Variants in DNAAF11 observed in about 807,000 individuals in gnomAD.
The protein encoded by DNAAF11 is dynein axonemal assembly factor 11, also known as leucine rich repeat containing 6.
In DNAAF11, 45 loss-of-function variants were observed where a neutral mutation model predicts 60.8. The observed-to-expected ratio is 0.74, with a 90% CI of 0.58 to 0.95. The LOEUF is 0.95. DNAAF11 is among the 40% of genes least tolerant of loss of function. DNAAF11 has a pLI of 0.00. For missense variants in DNAAF11, 546 were observed against 546.2 expected (o/e 1.00, Z 0.00); for synonymous variants, 191 against 183.5 (o/e 1.04, Z -0.33).
intron 5 of DNAAF11, among the ~76,000 whole-genome samples, chr8:132,626,574 T>C (rs1388386050): frequency 6.6e-6 from 1 of 152,206 alleles, no homozygotes; most frequent in East Asian, 1.9e-4. Context: ...GCATCTTCTG[T>C]TGTGCCAGGC....
At chr8:132,690,898 G>A in the DNAAF11 span, among the ~76,000 whole-genome samples, 3 of 152,186 alleles carry the variant, frequency 2.0e-5, no homozygotes, top group Non-Finnish European at 2.9e-5. Flanking sequence ...ATAACATCAC[G>A]GGTATTGGCC....
the DNAAF11 span, among the ~76,000 whole-genome samples, chr8:132,686,623 A>G: frequency 1.3e-5 from 2 of 152,242 alleles, no homozygotes; most frequent in South Asian, 4.1e-4. Flanking sequence ...GCAGACACCC[A>G]GGTAGATCAT....
At chr8:132,700,035 T>C in the DNAAF11 span, among the ~76,000 whole-genome samples, 308 of 152,310 alleles carry the variant, frequency 2.0e-3, no homozygotes, top group Non-Finnish European at 3.7e-3. Flanking sequence ...GGAACCACAG[T>C]GTTGTGGTTC....
chr8:132,651,705 A>T (rs979820030), intron 3 of DNAAF11, among the ~76,000 whole-genome samples: 2 of 152,256 alleles, frequency 1.3e-5, no homozygotes, highest in Non-Finnish European at 2.9e-5. Context: ...CTTACTTCAC[A>T]AAATTAACAA....
intron 6 of DNAAF11, 175 bp from the exon 7 acceptor site, chr8:132,622,863 G>A (rs1819899025): frequency 1.8e-6 from 1 of 553,446 alleles, no homozygotes; most frequent in Non-Finnish European, 3.2e-6. Flanking sequence ...TTCTATGCTG[G>A]GAACTGACAA....
chr8:132,699,516 G>C, the DNAAF11 span, among the ~76,000 whole-genome samples: 1 of 152,194 alleles, frequency 6.6e-6, no homozygotes, highest in Non-Finnish European at 1.5e-5. Flanking sequence ...CTGCAGCCTG[G>C]AAGAGTGAAA....
chr8:132,685,317 T>C, the DNAAF11 span, among the ~76,000 whole-genome samples: 5 of 152,176 alleles, frequency 3.3e-5, no homozygotes, highest in Admixed American at 3.3e-4. Flanking sequence ...TCCACAAAAA[T>C]TAAAACCATA....
chr8:132,616,208 T>C (rs1188640325), intron 7 of DNAAF11, among the ~76,000 whole-genome samples: 1 of 152,094 alleles, frequency 6.6e-6, no homozygotes, highest in Non-Finnish European at 1.5e-5. Context: ...ACAATAAAGG[T>C]TGCATTCTCT....
rs1182997860 is a variant in DNAAF11 at position 132,640,997 on chromosome 8, T to C, written c.257-2890A>G. On this transcript the variant is annotated intron_variant, in intron 3 of 11. Coordinates refer to ENST00000620350, the MANE Select transcript of DNAAF11 (RefSeq NM_012472.6). Reference sequence around the variant, plus strand: ...TAAATAATAGTGGTAACATTGTTCATTGAATAAAACAAGAATCCATGAGTT... The same window carrying C: ...TAAATAATAGTGGTAACATTGTTCACTGAATAAAACAAGAATCCATGAGTT... Among the ~76,000 whole-genome samples, 6 of 152,254 alleles carry C rather than the reference T, an allele frequency of 3.9e-5. No homozygotes were observed. In the South Asian group the frequency reaches 1.0e-3, roughly 26 times the overall value.
intron 11 of DNAAF11, among the ~76,000 whole-genome samples, chr8:132,580,648 A>G (rs1412438042): frequency 6.6e-6 from 1 of 152,230 alleles, no homozygotes; most frequent in African/African-American, 2.4e-5. Context: ...TCATACACCT[A>G]AAAATTAATA....
chr8:132,692,625 A>C, the DNAAF11 span, among the ~76,000 whole-genome samples: 1 of 152,172 alleles, frequency 6.6e-6, no homozygotes, highest in East Asian at 1.9e-4. Flanking sequence ...GGCAGCCAAA[A>C]TCCAGCTCTG....
intron 5 of DNAAF11, 48 bp downstream of exon 5, chr8:132,632,692 C>T: frequency 1.5e-6 from 2 of 1,313,394 alleles, no homozygotes; most frequent in Non-Finnish European, 2.2e-6. Flanking sequence ...ATACAGTTTG[C>T]TGCTTTTAAC....
At chr8:132,684,909 A>C in the DNAAF11 span, 2 of 152,246 alleles carry the variant, frequency 1.3e-5, no homozygotes, top group African/African-American at 4.8e-5. Flanking sequence ...CAAAGGGTGA[A>C]GGAAATGGAG....
At chr8:132,579,765 C>A (rs188344907) in intron 11 of DNAAF11, among the ~76,000 whole-genome samples, 1 of 152,088 alleles carries the variant, frequency 6.6e-6, no homozygotes, top group African/African-American at 2.4e-5. Flanking sequence ...GAGGCTGCAG[C>A]GGGCGGATCA....
intron 3 of DNAAF11, among the ~76,000 whole-genome samples, chr8:132,655,775 A>C (rs768121782): frequency 3.9e-5 from 6 of 152,214 alleles, no homozygotes; most frequent in Admixed American, 3.9e-4. Flanking sequence ...ATAACATACC[A>C]CTTCACACCT....
chr8:132,675,387 A>G, intron 1 of DNAAF11, 97 bp downstream of exon 1: 2 of 1,371,640 alleles, frequency 1.5e-6, no homozygotes, highest in South Asian at 1.4e-5. Context: ...GGGGGAACCG[A>G]CAGCGCAGGG....
intron 5 of DNAAF11, among the ~76,000 whole-genome samples, chr8:132,630,531 G>C (rs1820694712): frequency 1.3e-5 from 2 of 152,194 alleles, no homozygotes; most frequent in East Asian, 3.9e-4. Context: ...GTACAAATAA[G>C]TTTAACTACA....
chr8:132,573,586 A>G (rs1814441629), intron 11 of DNAAF11, among the ~76,000 whole-genome samples: 1 of 152,172 alleles, frequency 6.6e-6, no homozygotes, highest in South Asian at 2.1e-4. Flanking sequence ...TTATTTTTCT[A>G]TTGGGGAAAT....
chr8:132,609,060 C>T (rs945369095), intron 10 of DNAAF11, among the ~76,000 whole-genome samples: 1 of 152,158 alleles, frequency 6.6e-6, no homozygotes, highest in African/African-American at 2.4e-5. Flanking sequence ...ATCTACTCTT[C>T]CCCTTTGAAA....
Sources: allele counts gnomAD v4.1 joint callset (sites outside exome capture counted in the v4.1 genomes callset), GRCh38; gene constraint gnomAD v4.1.1; transcripts MANE v1.5; gene names NCBI Gene and HGNC (gene_info 2026-07-23, HGNC 2026-07-21).